The following CPA4 variants were observed in gnomAD, a reference collection of about 807,000 sequenced individuals.
CPA4 encodes the protein carboxypeptidase A4.
In CPA4, 49 loss-of-function variants were observed where a neutral mutation model predicts 54.7. The ratio of observed to expected loss-of-function variants is 0.90; its 90% CI spans 0.71 to 1.14. The LOEUF (loss-of-function observed/expected upper bound fraction) is 1.14, where lower values mean the gene tolerates loss of function less well. Among genes scored for constraint, CPA4 ranks in the 50% most tolerant of loss-of-function variants. The pLI is 0.00. For missense variants in CPA4, 487 were observed against 525.1 expected, an observed-to-expected ratio of 0.93 and a Z score of 0.71; for synonymous variants, 215 against 206.8, an observed-to-expected ratio of 1.04 and a Z score of -0.34.
chr7:130,308,738 A>G (rs1215417601), intron 8 of CPA4, among the ~76,000 whole-genome samples: 2 of 132,946 alleles, frequency 1.5e-5, no homozygotes, highest in Admixed American at 1.4e-4. Context: ...TTTTCAGTAG[A>G]GATGGGGTTT....
At chr7:130,320,925 C>T (rs1007976817) in intron 10 of CPA4, among the ~76,000 whole-genome samples, 7 of 152,164 alleles carry the variant, frequency 4.6e-5, no homozygotes, top group African/African-American at 9.7e-5. Context: ...CCAGGCCAGG[C>T]GTGGGATTCA....
chr7:130,293,796 G>A (rs1196490201), intron 1 of CPA4, among the ~76,000 whole-genome samples: 2 of 152,108 alleles, frequency 1.3e-5, no homozygotes, highest in African/African-American at 4.8e-5. Context: ...TTTCTTACTG[G>A]CTTCTGGGAC....
intron 9 of CPA4, 124 bp downstream of exon 9, chr7:130,311,110 A>G: frequency 2.7e-6 from 2 of 731,458 alleles, no homozygotes; most frequent in South Asian, 3.3e-5. Flanking sequence ...TTGAAGGTCC[A>G]ATCTTCTCTC....
chr7:130,298,984 G>A (rs1793697247), intron 2 of CPA4, among the ~76,000 whole-genome samples, 157 bp downstream of exon 2: 1 of 152,242 alleles, frequency 6.6e-6, no homozygotes, highest in African/African-American at 2.4e-5. Context: ...GCTGATGGGA[G>A]AGAGGGAGCA....
At chr7:130,298,709 A>G in intron 1 of CPA4, 37 bp from the exon 2 acceptor site, 1 of 1,291,590 alleles carries the variant, frequency 7.7e-7, no homozygotes, top group Non-Finnish European at 1.1e-6. Flanking sequence ...GCTCATCATT[A>G]TCTTTTGCTC....
chr7:130,294,657 C>T (rs1210392993), intron 1 of CPA4, among the ~76,000 whole-genome samples: 1 of 152,250 alleles, frequency 6.6e-6, no homozygotes, highest in African/African-American at 2.4e-5. Flanking sequence ...AGAATGCTCT[C>T]TGCAGGAATT....
At chr7:130,303,794 A>ATT (rs10560933) in intron 4 of CPA4, among the ~76,000 whole-genome samples, 1 of 144,564 alleles carries the variant, frequency 6.9e-6, no homozygotes, top group Non-Finnish European at 1.5e-5. Flanking sequence ...GCAGCTGCCT[A>ATT]TTTTTTTTTT....
Position 130,311,127 on chromosome 7 carries a change from C to G in CPA4, c.993+141C>G. 5 of 672,550 alleles carry G rather than the reference C, an allele frequency of 7.4e-6. No individual in the cohort carries two copies. The South Asian group carries it at 8.8e-5, about 12-fold the overall frequency. 41.7% of individuals were successfully genotyped at this position (672,550 alleles called of 1,614,324 possible). A position where few individuals can be genotyped will look rare whatever the true frequency, so the allele number is the denominator to read the frequency against. ...GAAGGTCCAATCTTCTCTCCCTGCC[C>G]TTTGGGATATGCTGTCATCTGCTGG... On this transcript the variant is annotated intron_variant, in intron 9 of 10. Transcript: ENST00000222482.
chr7:130,303,541 G>T (rs1358208084), intron 4 of CPA4, among the ~76,000 whole-genome samples: 2 of 152,084 alleles, frequency 1.3e-5, no homozygotes, highest in Middle Eastern at 6.3e-3. Context: ...ACATGTATAT[G>T]GTGCATGCTA....
intron 10 of CPA4, among the ~76,000 whole-genome samples, chr7:130,318,755 A>G (rs959958238): frequency 6.6e-6 from 1 of 152,116 alleles, no homozygotes; most frequent in Non-Finnish European, 1.5e-5. Flanking sequence ...TATTCTTTAT[A>G]GGCCTTGTCT....
chr7:130,302,991 A>AAACTT (rs1419338351), intron 4 of CPA4, among the ~76,000 whole-genome samples: 1 of 152,138 alleles, frequency 6.6e-6, no homozygotes, highest in Non-Finnish European at 1.5e-5. Context: ...TTTAGCTTTT[A>AAACTT]AACTTGGCTG....
Position 130,323,895 on chromosome 7 carries a change from TTGTGTGTGTGTGTGTGTGTGTGTG to T in CPA4, c.*1237_*1260del, listed in dbSNP as rs57842029. 4 of 145,246 alleles carry T rather than the reference TTGTGTGTGTGTGTGTGTGTGTGTG, an allele frequency of 2.8e-5. No homozygotes were observed. Among genetic ancestry groups the T allele is most frequent in the African/African-American group, 5.1e-5 (2 of 39,028 alleles). 9.0% of individuals were successfully genotyped at this position (145,246 alleles called of 1,614,324 possible). On this transcript the variant is annotated 3_prime_UTR_variant, in exon 11 of 11. Transcript: ENST00000222482. ...GTATCCTGTGTTTCCTTGTCCTGGT[TTGTGTGTGTGTGTGTGTGTGTGTG>T]TGTGTGTGTGTGTGTGTTTGTGTGT...
chr7:130,318,258 G>A (rs1488009), intron 10 of CPA4, among the ~76,000 whole-genome samples: 134,019 of 152,064 alleles, frequency 0.88, 59,324 homozygotes, highest in East Asian at 0.99. Flanking sequence ...ACATCAGCTT[G>A]AATAATGGCC....
In CPA4 at chr7:130,308,734, G is replaced by T. The variant is rs1793866797; in HGVS notation, c.793+337G>T. On this transcript the variant is annotated intron_variant, in intron 8 of 10. Coordinates refer to ENST00000222482, the MANE Select transcript of CPA4 (RefSeq NM_016352.4). Reference sequence around the variant, plus strand: ...CACCACGCCCGGCTATTTTTTTTCAGTAGAGATGGGGTTTCACCATGTTGG... The same window carrying T: ...CACCACGCCCGGCTATTTTTTTTCATTAGAGATGGGGTTTCACCATGTTGG... Among the ~76,000 whole-genome samples, 3 of 133,064 alleles carry T rather than the reference G, an allele frequency of 2.3e-5. No homozygotes were observed. In the South Asian group the frequency reaches 6.3e-4, roughly 28 times the overall value. 87.3% of individuals were successfully genotyped at this position (133,064 alleles called of 152,430 possible).
chr7:130,318,217 G>T (rs974101375), intron 10 of CPA4, among the ~76,000 whole-genome samples: 2 of 152,020 alleles, frequency 1.3e-5, no homozygotes, highest in African/African-American at 4.8e-5. Flanking sequence ...AAGATCTTTG[G>T]GGGTCACCAG....
intron 10 of CPA4, among the ~76,000 whole-genome samples, chr7:130,313,345 T>C (rs190500489): frequency 1.7e-3 from 258 of 152,296 alleles, no homozygotes; most frequent in African/African-American, 6.0e-3. Flanking sequence ...ACCAAGAAGT[T>C]ATTTGGTTGT....
Position 130,306,099 on chromosome 7 carries a change from C to A in CPA4, c.591+179C>A, listed in dbSNP as rs1793816690. 4 of 604,030 alleles carry A rather than the reference C, an allele frequency of 6.6e-6. No homozygotes were observed. The South Asian group carries it at 7.8e-5, about 12-fold the overall frequency. 37.4% of individuals were successfully genotyped at this position (604,030 alleles called of 1,614,324 possible). On this transcript the variant is annotated intron_variant, in intron 6 of 10. Coordinates refer to ENST00000222482, the MANE Select transcript of CPA4 (RefSeq NM_016352.4). ...AAACCCCTTGGTCAGCTCACTGCGG[C>A]CAAATTGATTGCGTTCCTGGTGGTG...
At chr7:130,306,159 C>T (rs1331146083) in intron 6 of CPA4, 3 of 555,966 alleles carry the variant, frequency 5.4e-6, no homozygotes, top group Non-Finnish European at 9.7e-6. Context: ...GGGCCTGAGC[C>T]TCTGAGAGCA....
intron 4 of CPA4, among the ~76,000 whole-genome samples, chr7:130,302,289 C>G (rs1793750425): frequency 6.6e-6 from 1 of 152,062 alleles, no homozygotes; most frequent in African/African-American, 2.4e-5. Flanking sequence ...TAGTTCAGGA[C>G]CAGCCTGGCT....
Sources: gnomAD v4.1 joint callset for allele counts (sites outside exome capture counted in the v4.1 genomes callset) on GRCh38, gnomAD v4.1.1 for gene constraint, MANE v1.5 for transcripts, NCBI Gene and HGNC (gene_info 2026-07-23, HGNC 2026-07-21) for gene names.